The following GALNT18 variants were observed in gnomAD, a reference collection of about 807,000 sequenced individuals.
GALNT18 encodes polypeptide N-acetylgalactosaminyltransferase 18.
In GALNT18, 44 loss-of-function variants were observed where a neutral mutation model predicts 69.5. The ratio of observed to expected loss-of-function variants is 0.63; its 90% CI spans 0.50 to 0.81. The LOEUF is 0.81. Among genes scored for constraint, GALNT18 ranks in the 40% least tolerant of loss-of-function variants. The pLI is 0.00. For missense variants in GALNT18, 715 were observed against 810.0 expected (o/e 0.88, Z 1.42); for synonymous variants, 364 against 318.2 (o/e 1.14, Z -1.53).
rs1388394076 is a variant in GALNT18 at position 11,497,370 on chromosome 11, A to ACACACCC, written c.236-48435_236-48434insGGGTGTG. Among the ~76,000 whole-genome samples the ACACACCC allele has an allele frequency of 7.4e-6, 1 of 134,622 alleles. No individual in the cohort carries two copies. Among genetic ancestry groups the ACACACCC allele is most frequent in the African/African-American group, 3.0e-5 (1 of 32,928 alleles). The allele number at this position is 134,622 out of a possible 152,430, so 88.3% of individuals were successfully genotyped here. On this transcript the variant is annotated intron_variant, in intron 1 of 10. Coordinates refer to ENST00000227756, the MANE Select transcript of GALNT18 (RefSeq NM_198516.3). The surrounding 1 kb of genome is among the most constrained non-coding windows in gnomAD (Gnocchi z 4.2). ...CACACACACACACACACACACACAC[A>ACACACCC]CCCCTTAGAATGGGGCTCCTTAAGA...
Position 11,404,442 on chromosome 11 carries a change from G to GCTT in GALNT18, c.596-25179_596-25178insAAG, listed in dbSNP as rs1854541201. ...AAGAGGAGCAGGAGCAGGAGCTGAAGCACTCAAAGGCTGATGTAAGCCCTG... is the reference window on the plus strand; with the variant it reads ...AAGAGGAGCAGGAGCAGGAGCTGAAGCTTCACTCAAAGGCTGATGTAAGCCCTG... On this transcript the variant is annotated intron_variant, in intron 3 of 10. Transcript: ENST00000227756. This position sits in a 1 kb window ranked among gnomAD's most constrained non-coding sequence, Gnocchi z 4.5. Among the ~76,000 whole-genome samples, 1 of 152,194 alleles carries GCTT rather than the reference G, an allele frequency of 6.6e-6. No individual in the cohort carries two copies. Among genetic ancestry groups the GCTT allele is most frequent in the Non-Finnish European group, 1.5e-5 (1 of 68,034 alleles).
intron 9 of GALNT18, among the ~76,000 whole-genome samples, chr11:11,302,546 C>G (rs1308915539): frequency 4.6e-5 from 7 of 152,128 alleles, no homozygotes; most frequent in Non-Finnish European, 1.0e-4. Flanking sequence ...TGCCTTGACA[C>G]AGATGGGAGC....
chr11:11,558,538 C>T (rs1480591949), intron 1 of GALNT18, among the ~76,000 whole-genome samples: 2 of 152,220 alleles, frequency 1.3e-5, no homozygotes, highest in South Asian at 4.1e-4. Context: ...GCAAGCTGCA[C>T]AGGAATAGCC....
chr11:11,281,033 A>C (rs1220573065), intron 10 of GALNT18, among the ~76,000 whole-genome samples: 1 of 151,978 alleles, frequency 6.6e-6, no homozygotes, highest in Admixed American at 6.6e-5. Context: ...TGTGTTGCTG[A>C]TGCTTCTTGA....
chr11:11,592,440 A>T lies in GALNT18; in HGVS notation c.235+28919T>A, dbSNP rs1590124737. Among the ~76,000 whole-genome samples, 1 of 152,174 alleles carries T rather than the reference A, an allele frequency of 6.6e-6. No individual in the cohort carries two copies. The highest frequency in any genetic ancestry group is 6.5e-5 in the Admixed American group (1 of 15,274). ...TTCCCGCAACTGTCCTCCACTTTCC[A>T]GGCAAATAATACCTCCAGCCAAATA... On this transcript the variant is annotated intron_variant, in intron 1 of 10. Coordinates refer to ENST00000227756, the MANE Select transcript of GALNT18 (RefSeq NM_198516.3). The surrounding 1 kb of genome is among the most constrained non-coding windows in gnomAD (Gnocchi z 5.9).
Position 11,606,654 on chromosome 11 carries a change from C to A in GALNT18, c.235+14705G>T, listed in dbSNP as rs563415545. On this transcript the variant is annotated intron_variant, in intron 1 of 10. Coordinates refer to ENST00000227756, the MANE Select transcript of GALNT18 (RefSeq NM_198516.3). The surrounding 1 kb of genome is among the most constrained non-coding windows in gnomAD (Gnocchi z 5.4). ...AGAGGAGATCCCATCCAAGGGAGAC[C>A]CTGAAAAGCTGCCCACCTCTTTGTC... 4.6e-5 allele frequency among the ~76,000 whole-genome samples: 7 copies of A among 152,280 alleles called. No homozygotes were observed. The highest frequency in any genetic ancestry group is 1.0e-4 in the Non-Finnish European group (7 of 68,020).
chr11:11,274,012 A>G (rs944222767), intron 10 of GALNT18, among the ~76,000 whole-genome samples: 6 of 152,144 alleles, frequency 3.9e-5, no homozygotes, highest in Non-Finnish European at 7.4e-5. Flanking sequence ...CTGGTTGGAC[A>G]GTGGGTGTAG....
rs1453384513 is a variant in GALNT18 at position 11,583,815 on chromosome 11, A to T, written c.235+37544T>A. Among the ~76,000 whole-genome samples the T allele has an allele frequency of 1.3e-5, 2 of 152,188 alleles. No individual in the cohort carries two copies. The highest frequency in any genetic ancestry group is 2.9e-5 in the Non-Finnish European group (2 of 68,028). On this transcript the variant is annotated intron_variant, in intron 1 of 10. Coordinates refer to ENST00000227756, the MANE Select transcript of GALNT18 (RefSeq NM_198516.3). The surrounding 1 kb of genome is among the most constrained non-coding windows in gnomAD (Gnocchi z 4.7). The stretch of plus-strand genomic sequence containing the variant: ...TAATGGTTAAGCTCACATGATGTGC[A>T]AGGCATTCACTGGGCTAGGAGGGAG...
intron 1 of GALNT18, among the ~76,000 whole-genome samples, chr11:11,517,545 C>T (rs1389115916): frequency 6.6e-6 from 1 of 152,144 alleles, no homozygotes; most frequent in Non-Finnish European, 1.5e-5. Flanking sequence ...TTAGTTATCC[C>T]CAGAAAACTA....
At position 11,546,985 on chromosome 11, in the gene GALNT18, C is replaced by T. The variant is rs929744614; in HGVS notation, c.235+74374G>A. Reference sequence around the variant, plus strand: ...ATCTGATGCCTCTCTGGGAGGCAGACAGCCTGACCAGACATTTTCAAACAC... The same window carrying T: ...ATCTGATGCCTCTCTGGGAGGCAGATAGCCTGACCAGACATTTTCAAACAC... On this transcript the variant is annotated intron_variant, in intron 1 of 10. Transcript: ENST00000227756. The surrounding 1 kb of genome is among the most constrained non-coding windows in gnomAD (Gnocchi z 5.8). Among the ~76,000 whole-genome samples, 1 of 151,832 alleles carries T rather than the reference C, an allele frequency of 6.6e-6. No individual in the cohort carries two copies. The highest frequency in any genetic ancestry group is 1.9e-4 in the East Asian group (1 of 5,178).
chr11:11,390,353 C>T (rs1456833913), intron 3 of GALNT18, among the ~76,000 whole-genome samples: 3 of 152,212 alleles, frequency 2.0e-5, no homozygotes, highest in Admixed American at 6.5e-5. Context: ...GGAAGCTTTT[C>T]CTCACCTGCA....
intron 6 of GALNT18, among the ~76,000 whole-genome samples, chr11:11,363,583 T>C (rs1346804334): frequency 2.6e-5 from 4 of 152,156 alleles, no homozygotes; most frequent in Admixed American, 6.5e-5. Flanking sequence ...AAAGGAAATA[T>C]GGATGTAAAA....
At position 11,398,165 on chromosome 11, in the gene GALNT18, C is replaced by T. The variant is rs546020695; in HGVS notation, c.596-18901G>A. 3.9e-5 allele frequency among the ~76,000 whole-genome samples: 6 copies of T among 152,308 alleles called. No individual in the cohort carries two copies. In the South Asian group the frequency reaches 1.0e-3, roughly 26 times the overall value. ...GTTAAGCAATGTGTTCAAGATTGCACACTTAATAAGTAGCAGAGGCTTGAT... is the reference window on the plus strand; with the variant it reads ...GTTAAGCAATGTGTTCAAGATTGCATACTTAATAAGTAGCAGAGGCTTGAT... On this transcript the variant is annotated intron_variant, in intron 3 of 10. Coordinates refer to ENST00000227756, the MANE Select transcript of GALNT18 (RefSeq NM_198516.3).
At position 11,505,697 on chromosome 11, in the gene GALNT18, C is replaced by T. The variant is rs560489368; in HGVS notation, c.236-56761G>A. On this transcript the variant is annotated intron_variant, in intron 1 of 10. Coordinates refer to ENST00000227756, the MANE Select transcript of GALNT18 (RefSeq NM_198516.3). The surrounding 1 kb of genome is among the most constrained non-coding windows in gnomAD (Gnocchi z 4.6). ...CAGAAGTCCCCATTCTGATTTAATA[C>T]CACACTCGCTTCCTCCTGCAAACTC... is the stretch of plus-strand genomic sequence containing the variant. Among the ~76,000 whole-genome samples the T allele has an allele frequency of 6.6e-6, 1 of 152,336 alleles. No homozygotes were observed. Among genetic ancestry groups the T allele is most frequent in the South Asian group, 2.1e-4 (1 of 4,830 alleles).
rs1264952474 is a variant in GALNT18 at position 11,598,078 on chromosome 11, C to T, written c.235+23281G>A. Among the ~76,000 whole-genome samples the T allele has an allele frequency of 6.6e-6, 1 of 152,056 alleles. No homozygotes were observed. Among genetic ancestry groups the T allele is most frequent in the African/African-American group, 2.4e-5 (1 of 41,400 alleles). On this transcript the variant is annotated intron_variant, in intron 1 of 10. Transcript: ENST00000227756. The surrounding 1 kb of genome is among the most constrained non-coding windows in gnomAD (Gnocchi z 4.8). ...ATCTTCTCTATTGGCTTTCTATTCT[C>T]CATTTATTTCAGTGCTAATCCTTAC...
chr11:11,293,337 T>G, intron 9 of GALNT18, 144 bp from the exon 10 acceptor site: 2 of 486,170 alleles, frequency 4.1e-6, no homozygotes, highest in Non-Finnish European at 3.3e-6. Flanking sequence ...GGCCTTCAGA[T>G]TATTTTCTAT....
chr11:11,288,426 T>C (rs2132997570), intron 10 of GALNT18, among the ~76,000 whole-genome samples: 1 of 152,340 alleles, frequency 6.6e-6, no homozygotes, highest in Non-Finnish European at 1.5e-5. Flanking sequence ...AAGCCATCTC[T>C]GAGTTCTGCA....
intron 6 of GALNT18, among the ~76,000 whole-genome samples, chr11:11,367,756 C>T (rs1478102207): frequency 2.0e-5 from 3 of 152,164 alleles, no homozygotes; most frequent in South Asian, 4.1e-4. Flanking sequence ...TCTCCATGTC[C>T]GTTCCATACA....
intron 1 of GALNT18, among the ~76,000 whole-genome samples, chr11:11,535,650 C>G (rs903000534): frequency 6.6e-6 from 1 of 152,180 alleles, no homozygotes; most frequent in Non-Finnish European, 1.5e-5. Flanking sequence ...TTGGCCAGAC[C>G]TTCTGACCAC....
Sources: gnomAD v4.1 joint callset for allele counts (sites outside exome capture counted in the v4.1 genomes callset) on GRCh38, gnomAD v4.1.1 for gene constraint, Gnocchi (gnomAD v3.1) non-coding constraint, MANE v1.5 for transcripts, NCBI Gene and HGNC (gene_info 2026-07-23, HGNC 2026-07-21) for gene names.